Variants in PTPRR observed in about 807,000 individuals in gnomAD.
PTPRR encodes the protein receptor-type tyrosine-protein phosphatase R.
Under a neutral mutation model 77.2 loss-of-function variants are expected in PTPRR, and 38 were observed. The ratio of observed to expected loss-of-function variants is 0.49; its 90% CI spans 0.38 to 0.65. The LOEUF (loss-of-function observed/expected upper bound fraction) is 0.65. Among genes scored for constraint, PTPRR ranks in the 30% least tolerant of loss-of-function variants. The pLI, the probability that PTPRR is intolerant of heterozygous loss-of-function variation, is 0.00. For synonymous variants in PTPRR, 299 were observed against 283.1 expected (o/e 1.06, Z -0.57); for missense variants, 744 against 799.2 (o/e 0.93, Z 0.83).
intron 2 of PTPRR, among the ~76,000 whole-genome samples, chr12:70,841,707 T>C (rs970037638): frequency 7.9e-6 from 1 of 127,142 alleles, no homozygotes; most frequent in Non-Finnish European, 1.8e-5. Context: ...TTATTTAAGC[T>C]GAATAAAAGT....
chr12:70,722,669 T>C (rs1463747307), intron 6 of PTPRR, among the ~76,000 whole-genome samples: 11 of 152,024 alleles, frequency 7.2e-5, no homozygotes, highest in African/African-American at 2.4e-5. Flanking sequence ...ATATGTTTAT[T>C]TGGGATAAGA....
Position 70,841,425 on chromosome 12 carries a change from A to C in PTPRR, c.357+51254T>G, listed in dbSNP as rs148379868. 1.6e-4 allele frequency among the ~76,000 whole-genome samples: 24 copies of C among 152,200 alleles called. No homozygotes were observed. In the East Asian group the frequency reaches 4.4e-3, roughly 28 times the overall value. On this transcript the variant is annotated intron_variant, in intron 2 of 13. Coordinates refer to ENST00000283228, the MANE Select transcript of PTPRR (RefSeq NM_002849.4). ...ACAGACCGGAAATCCTGCACTTCTC[A>C]GCTTGTTCTCTCAACTCTGTTGAGT...
At chr12:70,813,598 C>G (rs1006793813) in intron 2 of PTPRR, among the ~76,000 whole-genome samples, 1 of 152,026 alleles carries the variant, frequency 6.6e-6, no homozygotes, top group African/African-American at 2.4e-5. Flanking sequence ...AAAACTAGAC[C>G]AAATATGTGA....
At chr12:70,780,566 A>C (rs1393725488) in intron 2 of PTPRR, among the ~76,000 whole-genome samples, 3 of 152,080 alleles carry the variant, frequency 2.0e-5, no homozygotes, top group Admixed American at 6.5e-5. Flanking sequence ...TTCCTGATAC[A>C]TAGGTTATAT....
chr12:70,821,654 G>C (rs1205417791), intron 2 of PTPRR, among the ~76,000 whole-genome samples: 1 of 150,928 alleles, frequency 6.6e-6, no homozygotes, highest in African/African-American at 2.5e-5. Context: ...ATGTATGTAT[G>C]TATGTACGTA....
chr12:70,701,447 T>C (rs191029923), intron 6 of PTPRR, 124 bp from the exon 7 acceptor site: 9 of 814,728 alleles, frequency 1.1e-5, no homozygotes, highest in East Asian at 2.7e-5. Context: ...AACTATATTT[T>C]CTCTTTTAGT....
chr12:70,645,752 A>G (rs1414907259), intron 13 of PTPRR, among the ~76,000 whole-genome samples: 1 of 152,152 alleles, frequency 6.6e-6, no homozygotes, highest in Non-Finnish European at 1.5e-5. Context: ...AAATACAAAG[A>G]TCAGTGTCGT....
At chr12:70,727,682 C>T (rs375693346) in intron 6 of PTPRR, among the ~76,000 whole-genome samples, 2 of 152,114 alleles carry the variant, frequency 1.3e-5, no homozygotes, top group Non-Finnish European at 2.9e-5. Context: ...AGAATACTGC[C>T]TAGCTACATC....
intron 2 of PTPRR, among the ~76,000 whole-genome samples, chr12:70,784,140 G>A (rs886827686): frequency 1.3e-5 from 2 of 152,146 alleles, no homozygotes; most frequent in Non-Finnish European, 2.9e-5. Context: ...GCCTAGATCC[G>A]CAGCCCTGAC....
Position 70,684,165 on chromosome 12 carries a change from C to T in PTPRR, c.1459G>A (p.Val487Met), listed in dbSNP as rs766236970. Residue 487 changes from valine to methionine, a missense_variant, in exon 10 of 14, where the codon GTG (valine) becomes ATG (methionine). Physicochemically the swap from Val to Met is conservative, Grantham distance 21. Around this residue, in one of 3 missense-constraint regions of PTPRR, gnomAD observed 170 missense variants for 209.8 expected, o/e 0.81. Transcript: ENST00000283228. The part of the protein sequence containing the change: ...WQMVWQEDSP[V>M]IVMITKLKEK... ...TTGAGTTTTGTGATCATAACAATCA[C>T]AGGGCTGTCTTCCTGCCAAACCATC... 3.7e-6 allele frequency: 6 copies of T among 1,613,890 alleles called. No homozygotes were observed. Among genetic ancestry groups the T allele is most frequent in the Non-Finnish European group, 5.1e-6 (6 of 1,179,970 alleles).
chr12:70,762,859 C>G (rs899459234), intron 3 of PTPRR, among the ~76,000 whole-genome samples: 1 of 152,138 alleles, frequency 6.6e-6, no homozygotes, highest in African/African-American at 2.4e-5. Context: ...TATTGTAACT[C>G]TAGCTATTAT....
At chr12:70,700,313 A>G (rs950889307) in intron 7 of PTPRR, among the ~76,000 whole-genome samples, 1 of 152,172 alleles carries the variant, frequency 6.6e-6, no homozygotes, top group Non-Finnish European at 1.5e-5. Context: ...TTGGGCAACA[A>G]TTAGACCTAA....
intron 2 of PTPRR, among the ~76,000 whole-genome samples, chr12:70,784,288 G>A (rs1055557253): frequency 1.3e-5 from 2 of 152,220 alleles, no homozygotes; most frequent in Non-Finnish European, 2.9e-5. Flanking sequence ...TGCCAACTTG[G>A]AAGGGGCAGG....
At chr12:70,776,233 G>A (rs1244533557) in intron 2 of PTPRR, among the ~76,000 whole-genome samples, 1 of 151,922 alleles carries the variant, frequency 6.6e-6, no homozygotes, top group East Asian at 1.9e-4. Context: ...CCACCACCAC[G>A]ACATCCAGTG....
chr12:70,657,769 C>T (rs1344674156), intron 12 of PTPRR, among the ~76,000 whole-genome samples: 1 of 152,138 alleles, frequency 6.6e-6, no homozygotes, highest in Non-Finnish European at 1.5e-5. Flanking sequence ...TCTTTTACAT[C>T]TCTCCCTTTC....
At chr12:70,685,776 C>T (rs943921498) in intron 8 of PTPRR, among the ~76,000 whole-genome samples, 2 of 152,200 alleles carry the variant, frequency 1.3e-5, no homozygotes, top group African/African-American at 4.8e-5. Flanking sequence ...AGTCTGTTCT[C>T]ATTGCTTTAC....
intron 10 of PTPRR, among the ~76,000 whole-genome samples, chr12:70,670,014 A>C (rs1001359082): frequency 6.6e-6 from 1 of 152,234 alleles, no homozygotes; most frequent in East Asian, 1.9e-4. Flanking sequence ...AAAAGGGAAG[A>C]GAATGAAAGA....
At chr12:70,800,068 G>A (rs929992009) in intron 2 of PTPRR, among the ~76,000 whole-genome samples, 1 of 152,132 alleles carries the variant, frequency 6.6e-6, no homozygotes, top group Non-Finnish European at 1.5e-5. Flanking sequence ...TGCAACCAAT[G>A]TTGGAAGGCA....
chr12:70,893,954 C>T (rs1192192506), intron 1 of PTPRR, among the ~76,000 whole-genome samples: 1 of 151,774 alleles, frequency 6.6e-6, no homozygotes, highest in Non-Finnish European at 1.5e-5. Context: ...GATAAATATT[C>T]ATTGCATTGA....
Sources: allele counts gnomAD v4.1 joint callset (sites outside exome capture counted in the v4.1 genomes callset), GRCh38; gene constraint gnomAD v4.1.1; regional missense constraint gnomAD v4.1.1; transcripts MANE v1.5; gene names NCBI Gene and HGNC (gene_info 2026-07-23, HGNC 2026-07-21).